Variants in GABPB1 observed in about 807,000 individuals in gnomAD.
GABPB1 encodes GA-binding protein subunit beta-1.
GABPB1 carries 15 observed loss-of-function variants against 45.9 expected under a neutral mutation model. That is an observed-to-expected ratio of 0.33 (90% CI 0.22 to 0.50). The LOEUF is 0.50. Ranked by LOEUF, GABPB1 falls within the 20% of genes least tolerant of loss-of-function variation. The pLI is 0.98. For synonymous variants in GABPB1, 143 were observed against 154.4 expected (o/e 0.93, Z 0.55); for missense variants, 252 against 457.5 (o/e 0.55, Z 4.10).
intron 1 of GABPB1, among the ~76,000 whole-genome samples, chr15:50,344,579 G>A (rs544299104): frequency 1.6e-3 from 239 of 152,280 alleles, no homozygotes; most frequent in Admixed American, 3.3e-3. Context: ...CTGTGCTCAC[G>A]CCTGTAACGC....
At chr15:50,348,429 T>G (rs972924995) in intron 1 of GABPB1, among the ~76,000 whole-genome samples, 1 of 152,090 alleles carries the variant, frequency 6.6e-6, no homozygotes, top group African/African-American at 2.4e-5. Flanking sequence ...TTTTGTATTT[T>G]TAGTAGGGAC....
At chr15:50,296,708 A>G (rs1403194747) in intron 6 of GABPB1, among the ~76,000 whole-genome samples, 1 of 152,160 alleles carries the variant, frequency 6.6e-6, no homozygotes, top group Admixed American at 6.6e-5. Context: ...TGTATTTTCC[A>G]GATTCTAACA....
At position 50,340,899 on chromosome 15, in the gene GABPB1, GGTTTATTACCATAT is replaced by G. The variant is rs2048339541; in HGVS notation, c.-1+14072_-1+14085del. Among the ~76,000 whole-genome samples, 15 of 92,712 alleles carry G rather than the reference GGTTTATTACCATAT, an allele frequency of 1.6e-4. 3 individuals carry two copies. The highest frequency in any genetic ancestry group is 8.2e-4 in the African/African-American group (15 of 18,282). 60.8% of individuals were successfully genotyped at this position (92,712 alleles called of 152,430 possible). A position where few individuals can be genotyped will look rare whatever the true frequency, so the allele number is the denominator to read the frequency against. ...ATATGTAATATTACATATTACATAT[GGTTTATTACCATAT>G]GTAATATTACATATTACATATGGTT... On this transcript the variant is annotated intron_variant, in intron 1 of 8. Coordinates refer to ENST00000380877, the MANE Select transcript of GABPB1 (RefSeq NM_016654.5).
chr15:50,320,319 C>T (rs567419634), intron 1 of GABPB1, among the ~76,000 whole-genome samples: 156 of 152,318 alleles, frequency 1.0e-3, no homozygotes, highest in Non-Finnish European at 9.4e-4. Flanking sequence ...AGGCATGCAC[C>T]ACCAGGCCCG....
intron 1 of GABPB1, chr15:50,348,971 C>A (rs2048714818): frequency 6.6e-6 from 1 of 151,906 alleles, no homozygotes; most frequent in African/African-American, 2.4e-5. Flanking sequence ...CTTTAATTTA[C>A]CATGCACTAT....
intron 2 of GABPB1, among the ~76,000 whole-genome samples, chr15:50,305,118 A>G (rs532015644): frequency 6.6e-6 from 1 of 152,320 alleles, no homozygotes; most frequent in Admixed American, 6.5e-5. Flanking sequence ...TATCACATGC[A>G]TTTAAAGGCA....
At chr15:50,347,534 C>T (rs537851607) in intron 1 of GABPB1, 2 of 152,166 alleles carry the variant, frequency 1.3e-5, no homozygotes, top group African/African-American at 2.4e-5. Context: ...AAGCACTATA[C>T]TACTAATTAT....
chr15:50,287,886 T>A (rs894210472), intron 7 of GABPB1, among the ~76,000 whole-genome samples: 2 of 152,140 alleles, frequency 1.3e-5, no homozygotes, highest in Non-Finnish European at 2.9e-5. Flanking sequence ...GGGTTTCCTC[T>A]CCTACTGCTA....
rs2046326962 is a variant in GABPB1 at position 50,291,042 on chromosome 15, TAG to T, written c.698-1376_698-1375del. Among the ~76,000 whole-genome samples the T allele has an allele frequency of 2.0e-5, 3 of 152,298 alleles. No homozygotes were observed. In the South Asian group the frequency reaches 6.2e-4, roughly 32 times the overall value. ...TTCTTTGATAATAAATTAACAATGGTAGAGTCAAACACAGCAATTTGACTATA... is the reference window on the plus strand; with the variant it reads ...TTCTTTGATAATAAATTAACAATGGTAGTCAAACACAGCAATTTGACTATA... On this transcript the variant is annotated intron_variant, in intron 6 of 8. Coordinates refer to ENST00000380877, the MANE Select transcript of GABPB1 (RefSeq NM_016654.5).
intron 2 of GABPB1, among the ~76,000 whole-genome samples, chr15:50,308,224 G>T (rs890599861): frequency 1.3e-5 from 2 of 152,184 alleles, no homozygotes; most frequent in African/African-American, 4.8e-5. Flanking sequence ...ATGAAGGCAG[G>T]TTCCTCCAGA....
intron 1 of GABPB1, among the ~76,000 whole-genome samples, chr15:50,320,361 T>G (rs1359872792): frequency 2.6e-5 from 4 of 152,144 alleles, no homozygotes; most frequent in African/African-American, 9.7e-5. Flanking sequence ...AGAGATGGGG[T>G]TTCGGCATTT....
At chr15:50,279,132 A>G (rs2045899515) in intron 8 of GABPB1, among the ~76,000 whole-genome samples, 1 of 152,220 alleles carries the variant, frequency 6.6e-6, no homozygotes, top group African/African-American at 2.4e-5. Context: ...ATACCTCTTT[A>G]TATTTCCATT....
intron 1 of GABPB1, among the ~76,000 whole-genome samples, chr15:50,340,728 C>A (rs1014593907): frequency 1.3e-5 from 2 of 149,792 alleles, no homozygotes; most frequent in African/African-American, 2.5e-5. Context: ...CCTAATGAGA[C>A]CATGCATCTT....
chr15:50,309,804 CA>C lies in GABPB1; in HGVS notation c.1-7del, dbSNP rs751512952. ...CCCAAATCTACCAGGGACATCTAAA[CA>C]AAACATAGATGAACTGAACATCAAA... On this transcript the variant is annotated splice_polypyrimidine_tract_variant and splice_region_variant and intron_variant, in intron 1 of 8. Transcript: ENST00000380877. 2.6e-6 allele frequency: 4 copies of C among 1,546,680 alleles called. No homozygotes were observed. In the African/African-American group the frequency reaches 5.4e-5, roughly 21 times the overall value.
At chr15:50,282,560 GAAA>G (rs552203074) in intron 8 of GABPB1, among the ~76,000 whole-genome samples, 5 of 88,992 alleles carry the variant, frequency 5.6e-5, no homozygotes, top group African/African-American at 7.7e-5. Context: ...CCTTAAAAAA[GAAA>G]AAAAAAAAAA....
At chr15:50,333,284 G>T (rs886398390) in intron 1 of GABPB1, among the ~76,000 whole-genome samples, 3 of 152,126 alleles carry the variant, frequency 2.0e-5, no homozygotes, top group Non-Finnish European at 2.9e-5. Flanking sequence ...AACACAGCGA[G>T]ACCTCGTCTC....
intron 1 of GABPB1, among the ~76,000 whole-genome samples, chr15:50,325,901 G>T (rs1371261421): frequency 7.5e-6 from 1 of 133,276 alleles, no homozygotes; most frequent in Non-Finnish European, 1.7e-5. Context: ...TAAGATATAA[G>T]GGTTTTTTTT....
At chr15:50,290,147 T>C (rs1486305664) in intron 6 of GABPB1, among the ~76,000 whole-genome samples, 1 of 152,228 alleles carries the variant, frequency 6.6e-6, no homozygotes, top group Non-Finnish European at 1.5e-5. Flanking sequence ...GATATCTATG[T>C]AACCAGTTGA....
intron 1 of GABPB1, among the ~76,000 whole-genome samples, chr15:50,330,030 C>T (rs936328065): frequency 1.3e-5 from 2 of 151,956 alleles, no homozygotes; most frequent in African/African-American, 2.4e-5. Flanking sequence ...CCTCAGCCTC[C>T]GAAGTAGCTG....
Sources: allele counts gnomAD v4.1 joint callset (sites outside exome capture counted in the v4.1 genomes callset), GRCh38; gene constraint gnomAD v4.1.1; transcripts MANE v1.5; gene names NCBI Gene and HGNC (gene_info 2026-07-23, HGNC 2026-07-21).